The following SNX29 variants were observed in gnomAD, a reference collection of about 807,000 sequenced individuals.
SNX29 encodes the protein sorting nexin 29, also known as sorting nexin-29.
Under a neutral mutation model 102.1 loss-of-function variants are expected in SNX29, and 78 were observed. The ratio of observed to expected loss-of-function variants is 0.76; its 90% CI spans 0.64 to 0.92. SNX29 has a LOEUF of 0.92. Ranked by LOEUF, SNX29 falls within the 40% of genes least tolerant of loss-of-function variation. SNX29 has a pLI of 0.00. For missense variants in SNX29, 1,280 were observed against 1,061.7 expected, an observed-to-expected ratio of 1.21 and a Z score of -2.86; for synonymous variants, 580 against 414.5, an observed-to-expected ratio of 1.40 and a Z score of -4.85.
At chr16:12,497,555 T>G (rs528759051) in intron 19 of SNX29, among the ~76,000 whole-genome samples, 3 of 152,264 alleles carry the variant, frequency 2.0e-5, no homozygotes, top group Admixed American at 6.5e-5. Context: ...ACTTCAGGAG[T>G]GGCTGGAGTC....
At chr16:12,171,901 T>G (rs1234514225) in intron 13 of SNX29, among the ~76,000 whole-genome samples, 1 of 152,168 alleles carries the variant, frequency 6.6e-6, no homozygotes, top group Non-Finnish European at 1.5e-5. Context: ...TGTCAGGCAA[T>G]TCCCTGACCT....
intron 20 of SNX29, among the ~76,000 whole-genome samples, chr16:12,566,715 A>C (rs1005581485): frequency 5.9e-5 from 9 of 152,046 alleles, no homozygotes; most frequent in African/African-American, 2.2e-4. Context: ...CCATCCTTTG[A>C]AGAGAGGATC....
intron 18 of SNX29, among the ~76,000 whole-genome samples, chr16:12,433,964 C>A (rs1399597446): frequency 6.6e-6 from 1 of 152,194 alleles, no homozygotes; most frequent in East Asian, 1.9e-4. Context: ...AACTTGCTGG[C>A]CAGAGTATCT....
intron 1 of SNX29, among the ~76,000 whole-genome samples, chr16:11,995,124 G>C (rs1416515771): frequency 2.0e-5 from 3 of 152,170 alleles, no homozygotes. Flanking sequence ...GGAGTGCATT[G>C]GTGCAATCTT....
chr16:12,261,297 CGT>C (rs2078750292), intron 14 of SNX29, among the ~76,000 whole-genome samples: 2 of 114,716 alleles, frequency 1.7e-5, no homozygotes, highest in Non-Finnish European at 1.7e-5. Flanking sequence ...TCTGTGCGCG[CGT>C]CCCCGGCTGG....
chr16:12,564,676 A>T (rs1006881129), intron 20 of SNX29, among the ~76,000 whole-genome samples: 2 of 152,108 alleles, frequency 1.3e-5, no homozygotes, highest in South Asian at 2.1e-4. Flanking sequence ...TTGTCCACAC[A>T]TTCCTCTGTT....
At chr16:12,542,311 G>C (rs2077378669) in intron 20 of SNX29, among the ~76,000 whole-genome samples, 1 of 152,204 alleles carries the variant, frequency 6.6e-6, no homozygotes, top group Non-Finnish European at 1.5e-5. Flanking sequence ...CAGCTAGTAA[G>C]TTTTAGAGCT....
At chr16:12,388,453 T>C (rs1232256814) in intron 16 of SNX29, among the ~76,000 whole-genome samples, 1 of 152,232 alleles carries the variant, frequency 6.6e-6, no homozygotes, top group East Asian at 1.9e-4. Flanking sequence ...GATCAAAGAT[T>C]TATTCCTCCC....
At chr16:12,290,110 C>T (rs937480311) in intron 15 of SNX29, among the ~76,000 whole-genome samples, 9 of 152,102 alleles carry the variant, frequency 5.9e-5, no homozygotes, top group Admixed American at 3.3e-4. Context: ...CTACTTGGGC[C>T]ATTTCTTTTT....
intron 14 of SNX29, among the ~76,000 whole-genome samples, chr16:12,224,727 T>A (rs908190491): frequency 3.5e-4 from 53 of 152,286 alleles, no homozygotes; most frequent in African/African-American, 1.2e-3. Context: ...TGTTTTTTTG[T>A]TTGGATAGTA....
chr16:12,504,865 A>T (rs2089301495), intron 19 of SNX29, among the ~76,000 whole-genome samples: 1 of 152,212 alleles, frequency 6.6e-6, no homozygotes, highest in Non-Finnish European at 1.5e-5. Context: ...AAGCGGGACC[A>T]CTGTACTTCA....
intron 4 of SNX29, among the ~76,000 whole-genome samples, chr16:12,034,016 GC>G (rs764813381): frequency 1.3e-5 from 2 of 152,106 alleles, no homozygotes; most frequent in Non-Finnish European, 2.9e-5. Context: ...TTCCCAGGAA[GC>G]CAAACCCCTA....
At chr16:12,337,257 AT>A (rs534968627) in intron 15 of SNX29, among the ~76,000 whole-genome samples, 104 of 147,864 alleles carry the variant, frequency 7.0e-4, no homozygotes, top group African/African-American at 1.5e-3. Context: ...AGGTATATTA[AT>A]TTTTTTTTTT....
intron 19 of SNX29, among the ~76,000 whole-genome samples, chr16:12,508,089 A>G (rs1436985322): frequency 6.6e-6 from 1 of 152,246 alleles, no homozygotes; most frequent in African/African-American, 2.4e-5. Flanking sequence ...TCTTACCTGT[A>G]AAAGGGAGGT....
At position 12,530,998 on chromosome 16, in the gene SNX29, C is replaced by G. The variant is rs527647258; in HGVS notation, c.2318+6157C>G. On this transcript the variant is annotated intron_variant, in intron 20 of 20. Transcript: ENST00000566228. ...AGATTTTTCTCCCCCAGACTGTAGT[C>G]TGGAACATCTCGATGGATACACATT... Among the ~76,000 whole-genome samples the G allele has an allele frequency of 8.1e-4, 123 of 152,362 alleles. 2 individuals carry two copies. Among genetic ancestry groups the G allele is most frequent in the African/African-American group, 2.9e-3 (119 of 41,572 alleles).
intron 20 of SNX29, among the ~76,000 whole-genome samples, chr16:12,532,403 G>T (rs546032590): frequency 1.3e-5 from 2 of 152,152 alleles, no homozygotes; most frequent in African/African-American, 4.8e-5. Context: ...CCCAGCGTTT[G>T]TATATTCATT....
intron 9 of SNX29, 66 bp downstream of exon 9, chr16:12,061,712 T>C: frequency 2.1e-6 from 3 of 1,413,932 alleles, no homozygotes; most frequent in Non-Finnish European, 2.9e-6. Context: ...AGCAGGAATG[T>C]CTGAGTTCCC....
intron 20 of SNX29, among the ~76,000 whole-genome samples, chr16:12,527,721 T>C (rs1257992032): frequency 1.3e-5 from 2 of 152,172 alleles, no homozygotes; most frequent in African/African-American, 2.4e-5. Flanking sequence ...GTTTTTGGGA[T>C]GGAGGTGGGA....
intron 13 of SNX29, among the ~76,000 whole-genome samples, chr16:12,154,672 C>T (rs930023266): frequency 2.6e-5 from 4 of 152,142 alleles, no homozygotes; most frequent in African/African-American, 9.7e-5. Flanking sequence ...AACTGGGTGG[C>T]TTATAAACAA....
Sources: allele counts gnomAD v4.1 joint callset (sites outside exome capture counted in the v4.1 genomes callset), GRCh38; gene constraint gnomAD v4.1.1; transcripts MANE v1.5; gene names NCBI Gene and HGNC (gene_info 2026-07-23, HGNC 2026-07-21).